Variants in MMP16 observed in about 807,000 individuals in gnomAD.
The protein encoded by MMP16 is matrix metallopeptidase 16, also known as matrix metalloproteinase-16.
In MMP16, 12 loss-of-function variants were observed where a neutral mutation model predicts 67.8. That is an observed-to-expected ratio of 0.18 (90% CI 0.11 to 0.29). The LOEUF is 0.29. Among genes scored for constraint, MMP16 ranks in the 10% least tolerant of loss-of-function variants. MMP16 has a pLI of 1.00. For missense variants in MMP16, 475 were observed against 765.7 expected (o/e 0.62, Z 4.48); for synonymous variants, 249 against 255.9 (o/e 0.97, Z 0.26).
At position 88,034,433 on chromosome 8, in the gene MMP16, T is replaced by A. The variant is rs1198098892; in HGVS notation, c.*7028A>T. On this transcript the variant is annotated 3_prime_UTR_variant, in exon 10 of 10. Coordinates refer to ENST00000286614, the MANE Select transcript of MMP16 (RefSeq NM_005941.5). The stretch of plus-strand genomic sequence containing the variant: ...CACACATACCCTTGCTTGGAAATTG[T>A]TTGTTTGGAAGTAATTAAGATAGTG... 1.3e-5 allele frequency: 2 copies of A among 152,414 alleles called. No individual in the cohort carries two copies. Among genetic ancestry groups the A allele is most frequent in the African/African-American group, 2.4e-5 (1 of 41,394 alleles). The allele number at this position is 152,414 out of a possible 1,614,324, so 9.4% of individuals were successfully genotyped here. A position where few individuals can be genotyped will look rare whatever the true frequency, so the allele number is the denominator to read the frequency against.
rs773474552 is a variant in MMP16 at position 88,160,077 on chromosome 8, C to T, written c.709+7592G>A. 9.5e-4 allele frequency among the ~76,000 whole-genome samples: 144 copies of T among 151,734 alleles called. 1 individual carries two copies. Among genetic ancestry groups the T allele is most frequent in the Admixed American group, 2.5e-3 (38 of 15,174 alleles). On this transcript the variant is annotated intron_variant, in intron 4 of 9. Coordinates refer to ENST00000286614, the MANE Select transcript of MMP16 (RefSeq NM_005941.5). ...TGCTGATGTGCTGCACTCATTAACTCGTCATTTAGCATTAGGTATATCTCC... is the reference window on the plus strand; with the variant it reads ...TGCTGATGTGCTGCACTCATTAACTTGTCATTTAGCATTAGGTATATCTCC...
chr8:88,251,826 G>T (rs1810228339), intron 1 of MMP16, among the ~76,000 whole-genome samples: 1 of 122,468 alleles, frequency 8.2e-6, no homozygotes, highest in African/African-American at 3.2e-5. Context: ...ATCAAAAAGT[G>T]GGCAAAGGAT....
At chr8:88,205,161 T>C (rs1270898291) in intron 1 of MMP16, among the ~76,000 whole-genome samples, 2 of 152,184 alleles carry the variant, frequency 1.3e-5, no homozygotes, top group Non-Finnish European at 2.9e-5. Context: ...ACCTCTGTAA[T>C]GATGAAATAA....
In MMP16 at chr8:88,215,412, G is replaced by C. The variant is rs566767124; in HGVS notation, c.133-18106C>G. ...TTCTAAGATTTGTTTGTCCTCCTCA[G>C]CTCTGCAGAGGCTAGAGAGGTTAAC... On this transcript the variant is annotated intron_variant, in intron 1 of 9. Transcript: ENST00000286614. Among the ~76,000 whole-genome samples the C allele has an allele frequency of 7.9e-5, 12 of 152,090 alleles. No individual in the cohort carries two copies. In the South Asian group the frequency reaches 2.5e-3, roughly 32 times the overall value.
chr8:88,175,277 G>C (rs932647209), intron 3 of MMP16, among the ~76,000 whole-genome samples: 1 of 152,088 alleles, frequency 6.6e-6, no homozygotes, highest in African/African-American at 2.4e-5. Context: ...ATAAAACCTA[G>C]ATTCCACCAC....
chr8:88,325,742 G>GT (rs28907883), intron 1 of MMP16, among the ~76,000 whole-genome samples: 4,274 of 151,812 alleles, frequency 0.028, 121 homozygotes, highest in Admixed American at 0.089. Context: ...TTCAAATTGG[G>GT]TTTTTTTTGT....
At chr8:88,160,049 C>T (rs910425973) in intron 4 of MMP16, among the ~76,000 whole-genome samples, 2 of 151,294 alleles carry the variant, frequency 1.3e-5, no homozygotes, top group African/African-American at 2.4e-5. Context: ...TATACATGTG[C>T]CATGCTGATG....
intron 6 of MMP16, among the ~76,000 whole-genome samples, chr8:88,114,443 G>A (rs182653280): frequency 2.6e-5 from 4 of 151,830 alleles, no homozygotes; most frequent in South Asian, 2.1e-4. Flanking sequence ...TTACTCTTAC[G>A]TATTAAAAGT....
intron 4 of MMP16, among the ~76,000 whole-genome samples, chr8:88,126,988 C>T (rs1434048197): frequency 1.3e-5 from 2 of 151,838 alleles, no homozygotes; most frequent in Non-Finnish European, 2.9e-5. Context: ...TTACAACAAA[C>T]TTTTGAGGTA....
At chr8:88,215,890 G>A (rs1039968738) in intron 1 of MMP16, among the ~76,000 whole-genome samples, 1 of 152,098 alleles carries the variant, frequency 6.6e-6, no homozygotes, top group Admixed American at 6.5e-5. Flanking sequence ...TGTATTCCAT[G>A]AACCAAAAAA....
chr8:88,083,562 G>A (rs1025494458), intron 6 of MMP16, among the ~76,000 whole-genome samples: 7 of 152,050 alleles, frequency 4.6e-5, no homozygotes, highest in Non-Finnish European at 8.8e-5. Flanking sequence ...TTAAGAGTTC[G>A]AGAGTAGTAA....
chr8:88,285,362 ACTCCTGACCTCAGGCGATC>A (rs1201829068), intron 1 of MMP16, among the ~76,000 whole-genome samples: 1 of 151,860 alleles, frequency 6.6e-6, no homozygotes, highest in African/African-American at 2.4e-5. Context: ...CTGGTCTCGA[ACTCCTGACCTCAGGCGATC>A]CACCCACCTC....
At chr8:88,097,230 T>A (rs761408072) in intron 6 of MMP16, among the ~76,000 whole-genome samples, 5 of 151,962 alleles carry the variant, frequency 3.3e-5, no homozygotes, top group Non-Finnish European at 7.4e-5. Flanking sequence ...AAAACTATTT[T>A]TTTTGGTTGA....
intron 1 of MMP16, among the ~76,000 whole-genome samples, chr8:88,254,670 TAAC>T (rs936091865): frequency 1.1e-4 from 16 of 152,208 alleles, no homozygotes; most frequent in Non-Finnish European, 2.1e-4. Flanking sequence ...AACCTGTACA[TAAC>T]AACACTGTGA....
Position 88,032,651 on chromosome 8 carries a change from T to C in MMP16, c.*8810A>G, listed in dbSNP as rs1317068184. The C allele has an allele frequency of 6.6e-6, 1 of 152,122 alleles. No individual in the cohort carries two copies. The highest frequency in any genetic ancestry group is 1.5e-5 in the Non-Finnish European group (1 of 68,020). 9.4% of individuals were successfully genotyped at this position (152,122 alleles called of 1,614,324 possible). A position where few individuals can be genotyped will look rare whatever the true frequency, so the allele number is the denominator to read the frequency against. On this transcript the variant is annotated 3_prime_UTR_variant, in exon 10 of 10. Transcript: ENST00000286614. ...TCATAATACACTTTAGCACCATTTA[T>C]TTAGCCTTATATTTGCACACAAACA...
At chr8:88,221,726 A>G (rs960847497) in intron 1 of MMP16, among the ~76,000 whole-genome samples, 13 of 152,222 alleles carry the variant, frequency 8.5e-5, no homozygotes, top group South Asian at 6.2e-4. Context: ...ATAAGAGAAG[A>G]TTTTTTAAAA....
chr8:88,306,787 A>G (rs866315084), intron 1 of MMP16, among the ~76,000 whole-genome samples: 22 of 152,288 alleles, frequency 1.4e-4, no homozygotes, highest in Middle Eastern at 3.4e-3. Context: ...CTGTAAAATA[A>G]TAAGAGCCAT....
intron 4 of MMP16, among the ~76,000 whole-genome samples, chr8:88,145,839 T>G (rs1808281236): frequency 6.6e-6 from 1 of 152,006 alleles, no homozygotes; most frequent in African/African-American, 2.4e-5. Context: ...TAGAAAAGAC[T>G]GAAGATATTT....
chr8:88,242,571 A>G (rs1187844403), intron 1 of MMP16, among the ~76,000 whole-genome samples: 1 of 152,172 alleles, frequency 6.6e-6, no homozygotes, highest in Non-Finnish European at 1.5e-5. Flanking sequence ...GTAGAGAGGG[A>G]CAGTGCCACA....
Sources: gnomAD v4.1 joint callset for allele counts (sites outside exome capture counted in the v4.1 genomes callset) on GRCh38, gnomAD v4.1.1 for gene constraint, MANE v1.5 for transcripts, NCBI Gene and HGNC (gene_info 2026-07-23, HGNC 2026-07-21) for gene names.